The following SOX5 variants were observed in gnomAD, a reference collection of about 807,000 sequenced individuals.
SOX5 encodes transcription factor SOX-5.
Under a neutral mutation model 92.0 loss-of-function variants are expected in SOX5, and 9 were observed. That is an observed-to-expected ratio of 0.10 (90% confidence interval 0.06 to 0.17). The LOEUF (loss-of-function observed/expected upper bound fraction) is 0.17. Ranked by LOEUF, SOX5 falls within the 10% of genes least tolerant of loss-of-function variation. The pLI is 1.00. For synonymous variants in SOX5, 344 were observed against 336.3 expected (o/e 1.02, Z -0.25); for missense variants, 642 against 944.5 (o/e 0.68, Z 4.20).
chr12:23,811,046 T>A (rs948050625), intron 3 of SOX5, among the ~76,000 whole-genome samples: 3 of 152,118 alleles, frequency 2.0e-5, no homozygotes, highest in African/African-American at 7.2e-5. Context: ...TTAATCTGAG[T>A]GGGGGTGAGT....
intron 4 of SOX5, among the ~76,000 whole-genome samples, chr12:24,132,210 C>T (rs961219018): frequency 6.6e-6 from 1 of 152,046 alleles, no homozygotes; most frequent in Non-Finnish European, 1.5e-5. Flanking sequence ...TCAGACAATG[C>T]CCATGACCAA....
chr12:23,561,205 G>A (rs1466141666), intron 11 of SOX5, among the ~76,000 whole-genome samples: 1 of 152,114 alleles, frequency 6.6e-6, no homozygotes, highest in African/African-American at 2.4e-5. Context: ...AAAGAGAAAG[G>A]AAAATTGAAG....
At chr12:24,356,670 T>C (rs76848992) in intron 2 of SOX5, among the ~76,000 whole-genome samples, 4,308 of 152,174 alleles carry the variant, frequency 0.028, 81 homozygotes, top group Middle Eastern at 0.048. Context: ...CGCACCTCAG[T>C]TCCTACCAGA....
intron 2 of SOX5, among the ~76,000 whole-genome samples, chr12:24,338,614 G>T (rs543531249): frequency 6.6e-6 from 1 of 152,074 alleles, no homozygotes; most frequent in Non-Finnish European, 1.5e-5. Context: ...CTATGTCCCC[G>T]CCCAAGCCTT....
intron 1 of SOX5, among the ~76,000 whole-genome samples, chr12:24,533,191 T>A (rs1951341614): frequency 6.6e-6 from 1 of 152,176 alleles, no homozygotes; most frequent in Admixed American, 6.5e-5. Flanking sequence ...AATATGATAT[T>A]CTGTTGGAAT....
chr12:24,165,926 A>T (rs1349108439), intron 4 of SOX5, among the ~76,000 whole-genome samples: 3 of 152,108 alleles, frequency 2.0e-5, no homozygotes, highest in Non-Finnish European at 4.4e-5. Context: ...AATATGTGAG[A>T]TTAGGGAAGA....
At chr12:24,051,221 G>T (rs1272305994) in intron 4 of SOX5, among the ~76,000 whole-genome samples, 1 of 152,034 alleles carries the variant, frequency 6.6e-6, no homozygotes, top group Non-Finnish European at 1.5e-5. Context: ...TTTATATTAG[G>T]TACTAATAAA....
chr12:24,408,303 A>G (rs1459300472), intron 1 of SOX5, among the ~76,000 whole-genome samples: 1 of 152,212 alleles, frequency 6.6e-6, no homozygotes, highest in East Asian at 1.9e-4. Context: ...TTTACAGAAA[A>G]TGTTGTGTTT....
At chr12:23,769,008 C>A (rs2094833619) in intron 3 of SOX5, among the ~76,000 whole-genome samples, 2 of 152,122 alleles carry the variant, frequency 1.3e-5, no homozygotes. Flanking sequence ...ACATTAGATA[C>A]ATAATCTAAC....
chr12:24,357,840 C>CAAAAAAAAAAA (rs566913275), intron 2 of SOX5, among the ~76,000 whole-genome samples: 1 of 105,300 alleles, frequency 9.5e-6, no homozygotes. Context: ...GACTCCATCT[C>CAAAAAAAAAAA]AAAAAAAAAA....
At chr12:23,908,509 C>A (rs1015572109) in intron 1 of SOX5, among the ~76,000 whole-genome samples, 1 of 151,964 alleles carries the variant, frequency 6.6e-6, no homozygotes, top group Non-Finnish European at 1.5e-5. Context: ...GTTTCTACAG[C>A]AGCTGTTGAA....
chr12:24,103,326 T>G (rs1036921650), intron 4 of SOX5, among the ~76,000 whole-genome samples: 1 of 149,866 alleles, frequency 6.7e-6, no homozygotes, highest in African/African-American at 2.4e-5. Flanking sequence ...ATCTCAAACA[T>G]CTTTAATAGT....
chr12:23,823,556 T>C (rs1183813149), intron 3 of SOX5, among the ~76,000 whole-genome samples: 1 of 152,208 alleles, frequency 6.6e-6, no homozygotes, highest in Non-Finnish European at 1.5e-5. Context: ...CATTTTTTCC[T>C]TCATTTCAAC....
chr12:23,695,106 G>C (rs7956846), intron 6 of SOX5, among the ~76,000 whole-genome samples: 46,184 of 128,354 alleles, frequency 0.36, 8,738 homozygotes, highest in Admixed American at 0.5. Flanking sequence ...GGTGACAAGG[G>C]AAACCTTGTC....
At chr12:24,189,416 T>C (rs1956312472) in intron 4 of SOX5, among the ~76,000 whole-genome samples, 1 of 152,198 alleles carries the variant, frequency 6.6e-6, no homozygotes, top group South Asian at 2.1e-4. Context: ...TTTCCTGGGG[T>C]ACTGTTGATA....
chr12:23,616,294 G>A (rs74071327), intron 8 of SOX5, among the ~76,000 whole-genome samples: 13,037 of 152,248 alleles, frequency 0.086, 1,006 homozygotes, highest in African/African-American at 0.2. Flanking sequence ...AGAATTCTCC[G>A]CTAACCTCCT....
At chr12:23,870,428 T>C (rs1388974910) in intron 2 of SOX5, among the ~76,000 whole-genome samples, 1 of 152,080 alleles carries the variant, frequency 6.6e-6, no homozygotes, top group Non-Finnish European at 1.5e-5. Context: ...AAAAAATATT[T>C]TTACTCTCCA....
At chr12:23,904,595 A>C (rs1595526454) in intron 1 of SOX5, among the ~76,000 whole-genome samples, 2 of 152,214 alleles carry the variant, frequency 1.3e-5, no homozygotes, top group East Asian at 3.8e-4. Context: ...AATATTCTGT[A>C]TTTAAATATA....
chr12:23,862,149 T>A (rs2096763359), intron 2 of SOX5, among the ~76,000 whole-genome samples: 1 of 152,124 alleles, frequency 6.6e-6, no homozygotes, highest in Admixed American at 6.5e-5. Context: ...CTGAATAAAT[T>A]CAATTATCTA....
Sources: allele counts gnomAD v4.1 joint callset (sites outside exome capture counted in the v4.1 genomes callset), GRCh38; gene constraint gnomAD v4.1.1; transcripts MANE v1.5; gene names NCBI Gene and HGNC (gene_info 2026-07-23, HGNC 2026-07-21).